KCNK2: variants seen among roughly 807,000 people sequenced by gnomAD.
KCNK2 encodes the protein potassium channel subfamily K member 2.
In KCNK2, 21 loss-of-function variants were observed where a neutral mutation model predicts 40.5. That is an observed-to-expected ratio of 0.52 (90% CI 0.37 to 0.75). The LOEUF is 0.75. KCNK2 is among the 30% of genes least tolerant of loss of function. The pLI is 0.00. For missense variants in KCNK2, 399 were observed against 531.6 expected (o/e 0.75, Z 2.45); for synonymous variants, 191 against 202.2 (o/e 0.94, Z 0.47).
chr1:215,161,252 C>A (rs1287686369), intron 3 of KCNK2, among the ~76,000 whole-genome samples: 1 of 152,158 alleles, frequency 6.6e-6, no homozygotes, highest in East Asian at 1.9e-4. Context: ...CTCACACACT[C>A]TTTTCTAACC....
At chr1:215,211,499 C>T (rs1377502416) in intron 6 of KCNK2, among the ~76,000 whole-genome samples, 4 of 152,260 alleles carry the variant, frequency 2.6e-5, no homozygotes, top group South Asian at 2.1e-4. Context: ...TATTCACCAA[C>T]GTCTAACATT....
At chr1:215,148,509 T>C (rs1337479210) in intron 3 of KCNK2, among the ~76,000 whole-genome samples, 2 of 152,212 alleles carry the variant, frequency 1.3e-5, no homozygotes, top group African/African-American at 4.8e-5. Context: ...AATATGTCTA[T>C]TCAATTAAAA....
chr1:215,028,846 A>G (rs1268106528), intron 1 of KCNK2, among the ~76,000 whole-genome samples: 2 of 152,176 alleles, frequency 1.3e-5, no homozygotes, highest in Non-Finnish European at 2.9e-5. Context: ...TCTATACACC[A>G]TAGACAGATC....
chr1:215,158,917 T>C (rs973406030), intron 3 of KCNK2, among the ~76,000 whole-genome samples: 1 of 152,090 alleles, frequency 6.6e-6, no homozygotes, highest in African/African-American at 2.4e-5. Flanking sequence ...TTTTTGGTAC[T>C]CAGTTTATTG....
At chr1:215,170,260 G>A (rs1234730315) in intron 4 of KCNK2, among the ~76,000 whole-genome samples, 1 of 152,124 alleles carries the variant, frequency 6.6e-6, no homozygotes, top group Non-Finnish European at 1.5e-5. Context: ...TCTACACAAT[G>A]TAATTTAGTA....
chr1:215,109,873 G>A (rs1405557787), intron 2 of KCNK2, among the ~76,000 whole-genome samples: 2 of 151,706 alleles, frequency 1.3e-5, no homozygotes, highest in African/African-American at 2.4e-5. Context: ...CTATATTCTT[G>A]CCAACATCTG....
chr1:215,234,691 C>T (rs1666806527), intron 6 of KCNK2, 137 bp from the exon 7 acceptor site: 1 of 754,998 alleles, frequency 1.3e-6, no homozygotes, highest in East Asian at 2.5e-5. Flanking sequence ...TTCATCAATT[C>T]TCAGACCACC....
chr1:215,230,500 C>A (rs1310023895), intron 6 of KCNK2, among the ~76,000 whole-genome samples: 1 of 108,922 alleles, frequency 9.2e-6, no homozygotes. Flanking sequence ...CACACACACA[C>A]ACGGCTGTAT....
At chr1:215,112,990 T>C (rs1247019728) in intron 2 of KCNK2, among the ~76,000 whole-genome samples, 1 of 152,188 alleles carries the variant, frequency 6.6e-6, no homozygotes, top group Non-Finnish European at 1.5e-5. Flanking sequence ...ATGACTATAC[T>C]GTATTCTGAC....
intron 6 of KCNK2, among the ~76,000 whole-genome samples, chr1:215,202,793 G>A (rs76583697): frequency 0.04 from 6,162 of 152,214 alleles, 379 homozygotes; most frequent in African/African-American, 0.14. Context: ...ACACACACAG[G>A]TACAGTGACT....
intron 3 of KCNK2, among the ~76,000 whole-genome samples, chr1:215,166,597 T>G (rs187143328): frequency 1.3e-5 from 2 of 152,018 alleles, no homozygotes; most frequent in African/African-American, 4.8e-5. Context: ...GCTTTGAGAA[T>G]TGGGAGAACC....
chr1:215,161,116 T>C (rs1459853272), intron 3 of KCNK2, among the ~76,000 whole-genome samples: 6 of 152,170 alleles, frequency 3.9e-5, no homozygotes, highest in African/African-American at 7.2e-5. Context: ...AAACATGTAA[T>C]AGGATCCATC....
chr1:215,036,955 G>C (rs1342845639), intron 1 of KCNK2, among the ~76,000 whole-genome samples: 1 of 143,208 alleles, frequency 7.0e-6, no homozygotes, highest in South Asian at 2.1e-4. Flanking sequence ...GATGCCATCT[G>C]TAGATTTATT....
chr1:215,044,803 G>A (rs1350631355), intron 1 of KCNK2, among the ~76,000 whole-genome samples: 3 of 47,926 alleles, frequency 6.3e-5, no homozygotes, highest in African/African-American at 1.1e-4. Flanking sequence ...GTATGTGTGT[G>A]TGTGTGTGTG....
In KCNK2 at chr1:215,115,975, A is replaced by G. The variant is rs1188452320; in HGVS notation, c.358-8658A>G. Among the ~76,000 whole-genome samples the G allele has an allele frequency of 8.0e-5, 11 of 137,222 alleles. No individual in the cohort carries two copies. The East Asian group carries it at 1.5e-3, about 18-fold the overall frequency. 90.0% of individuals were successfully genotyped at this position (137,222 alleles called of 152,430 possible). A position where few individuals can be genotyped will look rare whatever the true frequency, so the allele number is the denominator to read the frequency against. Reference sequence around the variant, plus strand: ...ATCATGTTTTTTTTTTTTTTTTTCTATACACCACTGTGCTCATTTCATTGA... The same window carrying G: ...ATCATGTTTTTTTTTTTTTTTTTCTGTACACCACTGTGCTCATTTCATTGA... On this transcript the variant is annotated intron_variant, in intron 2 of 6. Coordinates refer to ENST00000444842, the MANE Select transcript of KCNK2 (RefSeq NM_001017425.3).
chr1:215,209,039 C>A (rs1252338274), intron 6 of KCNK2, among the ~76,000 whole-genome samples: 2 of 151,454 alleles, frequency 1.3e-5, no homozygotes, highest in East Asian at 2.0e-4. Context: ...GTTGGCCAGG[C>A]TGGTCTCAAA....
At position 215,099,108 on chromosome 1, in the gene KCNK2, C is replaced by T. The variant is rs1009463717; in HGVS notation, c.357+12430C>T. 8.6e-5 allele frequency among the ~76,000 whole-genome samples: 13 copies of T among 151,890 alleles called. No individual in the cohort carries two copies. The East Asian group carries it at 1.7e-3, about 20-fold the overall frequency. ...GTGTTTGTTGCACAGATTATTTTAT[C>T]GCTCAGGTATTAAGCCTAGTACCTG... On this transcript the variant is annotated intron_variant, in intron 2 of 6. Coordinates refer to ENST00000444842, the MANE Select transcript of KCNK2 (RefSeq NM_001017425.3).
At chr1:215,098,871 T>C (rs74563095) in intron 2 of KCNK2, among the ~76,000 whole-genome samples, 4,591 of 152,088 alleles carry the variant, frequency 0.03, 95 homozygotes, top group South Asian at 0.059. Context: ...CTGTTTTATT[T>C]TTCTCTATGA....
chr1:215,153,576 AT>A (rs1558115502), intron 3 of KCNK2, among the ~76,000 whole-genome samples: 1 of 149,248 alleles, frequency 6.7e-6, no homozygotes, highest in Non-Finnish European at 1.5e-5. Flanking sequence ...ATATATATAT[AT>A]ATATTTTTTT....
Sources: allele counts gnomAD v4.1 joint callset (sites outside exome capture counted in the v4.1 genomes callset), GRCh38; gene constraint gnomAD v4.1.1; transcripts MANE v1.5; gene names NCBI Gene and HGNC (gene_info 2026-07-23, HGNC 2026-07-21).